Variants in VCL observed in about 807,000 individuals in gnomAD.
VCL encodes vinculin.
In VCL, 47 loss-of-function variants were observed where a neutral mutation model predicts 125.7. The observed-to-expected ratio is 0.37, with a 90% CI of 0.30 to 0.48. VCL has a LOEUF of 0.48. VCL is among the 20% of genes least tolerant of loss of function. The probability of loss-of-function intolerance (pLI) is 0.99; values close to 1 mark genes in which losing one functional copy is unlikely to be tolerated. For missense variants in VCL, 1,069 were observed against 1,455.5 expected (o/e 0.73, Z 4.32); for synonymous variants, 458 against 514.6 (o/e 0.89, Z 1.49).
rs10824072 is a variant in VCL at position 74,114,134 on chromosome 10, C to T, written c.2950-50C>T. The T allele has an allele frequency of 0.55, 876,795 of 1,603,280 alleles. 245,603 individuals are homozygous for T. Among genetic ancestry groups the T allele is most frequent in the Middle Eastern group, 0.65 (2,932 of 4,544 alleles). On this transcript the variant is annotated intron_variant, in intron 19 of 21. Transcript: ENST00000211998. Reference sequence around the variant, plus strand: ...TCTGTGCTTCTCCTTCCTTCCTTAACATGGCCAGAGCGTGGGCAGAGCTCA... The same window carrying T: ...TCTGTGCTTCTCCTTCCTTCCTTAATATGGCCAGAGCGTGGGCAGAGCTCA...
At position 74,103,938 on chromosome 10, in the gene VCL, T is replaced by C. The variant is rs1840095160; in HGVS notation, c.2131+10T>C. 1.9e-6 allele frequency: 3 copies of C among 1,611,474 alleles called. No individual in the cohort carries two copies. The highest frequency in any genetic ancestry group is 2.5e-6 in the Non-Finnish European group (3 of 1,177,670). On this transcript the variant is annotated intron_variant, in intron 15 of 21. Transcript: ENST00000211998. Reference sequence around the variant, plus strand: ...GTTGAAAAAATGACAGGTAGAGTTTTCTATACAAATCTTGTTGTCTAATCC... The same window carrying C: ...GTTGAAAAAATGACAGGTAGAGTTTCCTATACAAATCTTGTTGTCTAATCC...
At chr10:74,107,604 G>A in intron 17 of VCL, among the ~76,000 whole-genome samples, 1 of 152,042 alleles carries the variant, frequency 6.6e-6, no homozygotes, top group South Asian at 2.1e-4. Context: ...GTGATGGGGA[G>A]CGGCTGGAGC....
chr10:74,089,282 C>T lies in VCL; in HGVS notation c.1109C>T (p.Ala370Val). The T allele has an allele frequency of 6.2e-7, 1 of 1,614,114 alleles. No homozygotes were observed. Among genetic ancestry groups the T allele is most frequent in the Non-Finnish European group, 8.5e-7 (1 of 1,180,020 alleles). Residue 370 changes from alanine to valine, a missense_variant, in exon 9 of 22, where the codon GCA (alanine) becomes GTA (valine). By Grantham distance (64) the Ala-to-Val change is moderately conservative. Around this residue, in one of 6 missense-constraint regions of VCL, gnomAD observed 760 missense variants for 928.9 expected, o/e 0.82. Coordinates refer to ENST00000211998, the MANE Select transcript of VCL (RefSeq NM_014000.3). Reference protein sequence around the residue: ...LDVLTAKVENAARKLEAMTNS... With the variant: ...LDVLTAKVENVARKLEAMTNS... ...GTGCTCACAGCAAAAGTGGAAAATG[C>T]AGCTCGCAAGCTGGAAGCCATGACC...
chr10:74,009,213 CT>C (rs200588325), intron 1 of VCL, among the ~76,000 whole-genome samples: 5,315 of 64,252 alleles, frequency 0.083, 496 homozygotes, highest in African/African-American at 0.12. Flanking sequence ...GTGGCTGCTG[CT>C]TTCCCCCCCC....
chr10:74,021,213 T>C (rs1840659565), intron 1 of VCL, among the ~76,000 whole-genome samples: 1 of 152,128 alleles, frequency 6.6e-6, no homozygotes, highest in Non-Finnish European at 1.5e-5. Flanking sequence ...CTCCCTTTGC[T>C]GTGTTACTAA....
At chr10:74,114,759 A>C (rs777901808) in intron 20 of VCL, 36 bp from the exon 21 acceptor site, 1 of 1,566,098 alleles carries the variant, frequency 6.4e-7, no homozygotes, top group Non-Finnish European at 8.7e-7. Context: ...GGGCAAGGCA[A>C]ACAGAGAAAC....
At chr10:74,057,272 T>C (rs909261545) in intron 2 of VCL, among the ~76,000 whole-genome samples, 11 of 152,232 alleles carry the variant, frequency 7.2e-5, no homozygotes, top group Admixed American at 4.6e-4. Context: ...AAAAAAATTA[T>C]ATGTATATAT....
At chr10:74,107,821 C>A (rs555548849) in intron 17 of VCL, among the ~76,000 whole-genome samples, 2 of 151,884 alleles carry the variant, frequency 1.3e-5, no homozygotes, top group East Asian at 3.9e-4. Context: ...AAAATTTTTC[C>A]CTAACTATAA....
At chr10:74,102,262 T>C (rs1840071252) in intron 14 of VCL, among the ~76,000 whole-genome samples, 2 of 151,748 alleles carry the variant, frequency 1.3e-5, no homozygotes, top group South Asian at 4.2e-4. Context: ...AATTGATCTG[T>C]TTCTATAACT....
At chr10:74,001,580 T>C (rs1217624569) in intron 1 of VCL, among the ~76,000 whole-genome samples, 2 of 152,112 alleles carry the variant, frequency 1.3e-5, no homozygotes, top group African/African-American at 4.8e-5. Flanking sequence ...CTTTTAAAAT[T>C]GGTTGGTTAT....
rs1270194851 is a variant in VCL, at chr10:74,109,148, T to G, written c.2737T>G (p.Ser913Ala). ...GCTCCATGATGAAGCTCGCAAATGG[T>G]CCAGCAAGGTAAGTAGTGAAGCTTT... ...RQLHDEARKW[S>A]SKPGIPAAEV... Residue 913 changes from serine (S) to alanine (A), a missense_variant, in exon 18 of 22, where the codon TCC becomes GCC. By Grantham distance (99) the Ser-to-Ala change is moderately conservative. Around this residue, in one of 6 missense-constraint regions of VCL, gnomAD observed 86 missense variants for 91.0 expected, o/e 0.95. Transcript: ENST00000211998. 1 of 1,613,994 alleles carries G rather than the reference T, an allele frequency of 6.2e-7. No individual in the cohort carries two copies. The highest frequency in any genetic ancestry group is 8.5e-7 in the Non-Finnish European group (1 of 1,179,982).
chr10:74,083,216 C>A, intron 7 of VCL, 150 bp from the exon 8 acceptor site: 2 of 1,003,162 alleles, frequency 2.0e-6, no homozygotes, highest in South Asian at 1.5e-5. Context: ...AAGGGCACTG[C>A]TTGGCTGTTA....
intron 1 of VCL, among the ~76,000 whole-genome samples, chr10:74,011,130 A>G (rs545787199): frequency 1.4e-5 from 2 of 137,944 alleles, no homozygotes; most frequent in East Asian, 2.1e-4. Context: ...GCGCCATTGC[A>G]CTCCAGCGTG....
At chr10:74,107,026 C>G (rs1324155897) in intron 16 of VCL, among the ~76,000 whole-genome samples, 1 of 152,228 alleles carries the variant, frequency 6.6e-6, no homozygotes, top group Non-Finnish European at 1.5e-5. Flanking sequence ...ACTAAAAGAA[C>G]AGCTGGTTTG....
chr10:74,117,353 A>G (rs1477359663), intron 21 of VCL, among the ~76,000 whole-genome samples: 1 of 152,172 alleles, frequency 6.6e-6, no homozygotes, highest in East Asian at 1.9e-4. Context: ...GATAGGTTCA[A>G]TGGAAAAAAT....
chr10:74,095,976 T>G, intron 12 of VCL, 121 bp downstream of exon 12: 1 of 1,229,542 alleles, frequency 8.1e-7, no homozygotes, highest in Non-Finnish European at 1.1e-6. Flanking sequence ...ATGAAAAGAG[T>G]GTGACCAAAG....
At chr10:74,024,097 C>T (rs183564616) in intron 1 of VCL, among the ~76,000 whole-genome samples, 153 of 152,306 alleles carry the variant, frequency 1.0e-3, no homozygotes, top group African/African-American at 3.5e-3. Context: ...CCATTTGACA[C>T]ATGAATATTA....
chr10:74,091,234 C>A (rs749464392), intron 10 of VCL, among the ~76,000 whole-genome samples: 6 of 152,132 alleles, frequency 3.9e-5, no homozygotes, highest in Non-Finnish European at 7.3e-5. Flanking sequence ...TAATGGAAGT[C>A]CATATACATA....
chr10:74,002,021 A>G (rs1209448824), intron 1 of VCL, among the ~76,000 whole-genome samples: 1 of 152,204 alleles, frequency 6.6e-6, no homozygotes, highest in Non-Finnish European at 1.5e-5. Context: ...GAAATTTTCA[A>G]TTGTTGTAAT....
Sources: gnomAD v4.1 joint callset for allele counts (sites outside exome capture counted in the v4.1 genomes callset) on GRCh38, gnomAD v4.1.1 for gene constraint, gnomAD v4.1.1 regional missense constraint, MANE v1.5 for transcripts, NCBI Gene and HGNC (gene_info 2026-07-23, HGNC 2026-07-21) for gene names.